The following TRPM7 variants were observed in gnomAD, a reference collection of about 807,000 sequenced individuals.
TRPM7 encodes transient receptor potential cation channel subfamily M member 7.
In TRPM7, 134 loss-of-function variants were observed where a neutral mutation model predicts 229.7. That is an observed-to-expected ratio of 0.58 (90% confidence interval 0.51 to 0.67). The LOEUF (loss-of-function observed/expected upper bound fraction) is 0.67, where lower values mean the gene tolerates loss of function less well. Ranked by LOEUF, TRPM7 falls within the 30% of genes least tolerant of loss-of-function variation. The probability of loss-of-function intolerance (pLI) is 0.00; values close to 1 mark genes in which losing one functional copy is unlikely to be tolerated. For missense variants in TRPM7, 1,901 were observed against 2,210.0 expected, an observed-to-expected ratio of 0.86 and a Z score of 2.80; for synonymous variants, 699 against 715.2, an observed-to-expected ratio of 0.98 and a Z score of 0.36.
rs150072757 is a variant in TRPM7 at position 50,612,757 on chromosome 15, T to C, written c.1843A>G (p.Thr615Ala). ...DEIVDIDDPE[T>A]KRFPYPLNEL... is the part of the protein sequence containing the mutation. The stretch of plus-strand genomic sequence containing the variant: ...TTAAGTGGATAAGGAAAGCGCTTGG[T>C]TTCTGGATCATCAATGTCTACAATT... Residue 615 changes from threonine (T) to alanine (A), a missense_variant, in exon 16 of 39, where the codon ACC becomes GCC. Around this residue, in one of 8 missense-constraint regions of TRPM7, gnomAD observed 794 missense variants for 881.9 expected, o/e 0.90. Coordinates refer to ENST00000646667, the MANE Select transcript of TRPM7 (RefSeq NM_017672.6). 301 of 1,614,122 alleles carry C rather than the reference T, an allele frequency of 1.9e-4. No individual in the cohort carries two copies. The African/African-American group carries it at 3.5e-3, about 19-fold the overall frequency.
rs114506304 is a variant in TRPM7, at chr15:50,574,214, A to G, written c.5308+60T>C. 3.3e-4 allele frequency: 435 copies of G among 1,309,880 alleles called. 2 individuals are homozygous for G. In the African/African-American group the frequency reaches 5.6e-3, roughly 17 times the overall value. The allele number at this position is 1,309,880 out of a possible 1,614,324, so 81.1% of individuals were successfully genotyped here. Reference sequence around the variant, plus strand: ...TATAAATTAGCAGATTCTGTATAACATATGAATAGGTGAGAACCTACTGCA... The same window carrying G: ...TATAAATTAGCAGATTCTGTATAACGTATGAATAGGTGAGAACCTACTGCA... On this transcript the variant is annotated intron_variant, in intron 36 of 38. Coordinates refer to ENST00000646667, the MANE Select transcript of TRPM7 (RefSeq NM_017672.6).
intron 3 of TRPM7, among the ~76,000 whole-genome samples, chr15:50,654,750 G>A (rs1360532879): frequency 2.0e-5 from 3 of 150,960 alleles, no homozygotes; most frequent in Non-Finnish European, 4.4e-5. Context: ...TGTAATCCCA[G>A]CACTTTGGGA....
chr15:50,568,073 C>T (rs112770988), intron 38 of TRPM7, among the ~76,000 whole-genome samples: 136 of 106,440 alleles, frequency 1.3e-3, no homozygotes, highest in African/African-American at 4.5e-3. Context: ...AGCGAGACTC[C>T]GTCTCAAAAA....
chr15:50,660,950 C>T (rs1239743962), intron 2 of TRPM7, among the ~76,000 whole-genome samples: 1 of 151,234 alleles, frequency 6.6e-6, no homozygotes, highest in Non-Finnish European at 1.5e-5. Context: ...TTGTGGTATA[C>T]ACAATAACAG....
At chr15:50,646,568 G>A (rs928892468) in intron 4 of TRPM7, among the ~76,000 whole-genome samples, 10 of 152,176 alleles carry the variant, frequency 6.6e-5, no homozygotes, top group Admixed American at 4.6e-4. Context: ...ACAGGCATGA[G>A]CTACCATGCC....
chr15:50,591,430 G>C (rs995873981), intron 26 of TRPM7, among the ~76,000 whole-genome samples: 8 of 151,720 alleles, frequency 5.3e-5, no homozygotes, highest in Non-Finnish European at 8.8e-5. Flanking sequence ...CCATCAAAGA[G>C]GTTATGTGCC....
intron 25 of TRPM7, among the ~76,000 whole-genome samples, chr15:50,593,325 T>C (rs976583800): frequency 1.3e-5 from 2 of 151,868 alleles, no homozygotes; most frequent in Middle Eastern, 3.4e-3. Context: ...ATAATAATGA[T>C]GATAATAAAA....
chr15:50,645,977 A>G (rs560132588), intron 4 of TRPM7, among the ~76,000 whole-genome samples: 32 of 152,076 alleles, frequency 2.1e-4, no homozygotes, highest in African/African-American at 7.7e-4. Context: ...CCTGGCCAAC[A>G]TGGTGAAACC....
chr15:50,653,134 AC>A (rs1269087351), intron 3 of TRPM7, among the ~76,000 whole-genome samples: 1 of 152,062 alleles, frequency 6.6e-6, no homozygotes, highest in Non-Finnish European at 1.5e-5. Flanking sequence ...ACAGAGTGAG[AC>A]CCTGTTTCCC....
chr15:50,647,881 T>C (rs2061314159), intron 4 of TRPM7, among the ~76,000 whole-genome samples: 1 of 152,220 alleles, frequency 6.6e-6, no homozygotes, highest in Admixed American at 6.5e-5. Flanking sequence ...AGACTTTATT[T>C]ACCTGTCATT....
At position 50,583,110 on chromosome 15, in the gene TRPM7, A is replaced by G. The variant is rs1234116719; in HGVS notation, c.4536T>C (p.Asp1512=). The change falls in exon 29 of 39, where the codon GAT becomes GAC. Residue 1512 remains aspartate (D), a synonymous_variant. Transcript: ENST00000646667. ...AAACCGGTATTAAAGCTGCTTTGGA[A>G]TCTACTTCATGAGTGTCTTCGGTAG... The part of the protein sequence containing the change: ...RPSTEDTHEV[D]SKAALIPDWL... 3 of 1,606,910 alleles carry G rather than the reference A, an allele frequency of 1.9e-6. No individual in the cohort carries two copies. The highest frequency in any genetic ancestry group is 2.5e-6 in the Non-Finnish European group (3 of 1,177,510).
intron 1 of TRPM7, among the ~76,000 whole-genome samples, chr15:50,667,805 G>A (rs890202234): frequency 6.6e-6 from 1 of 152,202 alleles, no homozygotes; most frequent in Non-Finnish European, 1.5e-5. Context: ...TATCAATAAT[G>A]CACTAGTCCA....
At chr15:50,614,325 G>A (rs1458851948) in intron 13 of TRPM7, 62 bp from the exon 14 acceptor site, 4 of 1,426,058 alleles carry the variant, frequency 2.8e-6, no homozygotes, top group South Asian at 2.9e-5. Context: ...GCCATGCCCT[G>A]CCTAGGAACA....
At chr15:50,586,324 A>T in intron 28 of TRPM7, 68 bp downstream of exon 28, 1 of 1,095,530 alleles carries the variant, frequency 9.1e-7, no homozygotes, top group Non-Finnish European at 1.4e-6. Context: ...TGTTTGACAA[A>T]CATAAAATAC....
At chr15:50,620,475 T>C (rs920018589) in intron 12 of TRPM7, among the ~76,000 whole-genome samples, 1 of 152,178 alleles carries the variant, frequency 6.6e-6, no homozygotes, top group African/African-American at 2.4e-5. Context: ...CTTCTCTTTA[T>C]ATATACTGTT....
At chr15:50,574,604 A>G in intron 35 of TRPM7, 33 bp downstream of exon 35, 2 of 1,589,186 alleles carry the variant, frequency 1.3e-6, no homozygotes, top group Non-Finnish European at 1.7e-6. Flanking sequence ...TATCCATATA[A>G]TAAAAGATCC....
At chr15:50,605,461 T>G (rs577525250) in intron 20 of TRPM7, among the ~76,000 whole-genome samples, 30 of 152,330 alleles carry the variant, frequency 2.0e-4, no homozygotes, top group African/African-American at 7.0e-4. Context: ...AGGCAGCACC[T>G]GGATATCCTG....
chr15:50,600,257 T>C (rs1209397275), intron 21 of TRPM7, among the ~76,000 whole-genome samples: 1 of 152,018 alleles, frequency 6.6e-6, no homozygotes, highest in African/African-American at 2.4e-5. Flanking sequence ...GCCAACATGG[T>C]GAAACCCTGT....
At chr15:50,598,386 A>T (rs2059686888) in intron 22 of TRPM7, among the ~76,000 whole-genome samples, 1 of 152,258 alleles carries the variant, frequency 6.6e-6, no homozygotes, top group Admixed American at 6.5e-5. Flanking sequence ...AACAGGGTTG[A>T]ATCAGTGGGA....
Sources: gnomAD v4.1 joint callset for allele counts (sites outside exome capture counted in the v4.1 genomes callset) on GRCh38, gnomAD v4.1.1 for gene constraint, gnomAD v4.1.1 regional missense constraint, MANE v1.5 for transcripts, NCBI Gene and HGNC (gene_info 2026-07-23, HGNC 2026-07-21) for gene names.